The following ANKS1A variants were observed in gnomAD, a reference collection of about 807,000 sequenced individuals.
ANKS1A encodes the protein ankyrin repeat and SAM domain-containing protein 1A.
A neutral mutation model predicts 120.3 loss-of-function variants in ANKS1A; 55 were observed. The observed-to-expected ratio is 0.46, with a 90% CI of 0.37 to 0.57. ANKS1A has a LOEUF of 0.57. Among genes scored for constraint, ANKS1A ranks in the 20% least tolerant of loss-of-function variants. The pLI, the probability that ANKS1A is intolerant of heterozygous loss-of-function variation, is 0.00. For synonymous variants in ANKS1A, 590 were observed against 604.7 expected (o/e 0.98, Z 0.36); for missense variants, 1,123 against 1,480.3 (o/e 0.76, Z 3.96).
At chr6:34,990,129 G>A (rs1470629048) in intron 9 of ANKS1A, among the ~76,000 whole-genome samples, 2 of 152,088 alleles carry the variant, frequency 1.3e-5, no homozygotes, top group South Asian at 2.1e-4. Flanking sequence ...CTAGAAGTTC[G>A]AGTTATTGAT....
In ANKS1A at chr6:34,889,497, T is replaced by TTGGGGGCGGCGGCGGCGGTGGCTC. The variant is rs778662231; in HGVS notation, c.114_137dup (p.Gly39_Gly46dup). 4 of 1,276,834 alleles carry TTGGGGGCGGCGGCGGCGGTGGCTC rather than the reference T, an allele frequency of 3.1e-6. No homozygotes were observed. The highest frequency in any genetic ancestry group is 3.1e-5 in the East Asian group (1 of 32,402). 79.1% of individuals were successfully genotyped at this position (1,276,834 alleles called of 1,614,324 possible). A position where few individuals can be genotyped will look rare whatever the true frequency, so the allele number is the denominator to read the frequency against. On this transcript the variant is annotated inframe_insertion, in exon 1 of 24. Transcript: ENST00000360359. The surrounding 1 kb of genome is among the most constrained non-coding windows in gnomAD (Gnocchi z 5.5). ...TCCGGGAAGCGGCTCTCCTCAGGCTTTGGGGGCGGCGGCGGCGGTGGCTCT... is the reference window on the plus strand; with the variant it reads ...TCCGGGAAGCGGCTCTCCTCAGGCTTTGGGGGCGGCGGCGGCGGTGGCTCTGGGGGCGGCGGCGGCGGTGGCTCT...
In ANKS1A at chr6:35,084,349, C is replaced by T; in HGVS notation, c.3132+91C>T. Reference sequence around the variant, plus strand: ...TGCAGGGCACAGATGCGGCGCTGTCCTGGCCCCTGGCCAGTGCCTGGCAAA... The same window carrying T: ...TGCAGGGCACAGATGCGGCGCTGTCTTGGCCCCTGGCCAGTGCCTGGCAAA... On this transcript the variant is annotated intron_variant, in intron 21 of 23. Coordinates refer to ENST00000360359, the MANE Select transcript of ANKS1A (RefSeq NM_015245.3). The surrounding 1 kb of genome is among the most constrained non-coding windows in gnomAD (Gnocchi z 4.8). 6.7e-7 allele frequency: 1 copy of T among 1,503,396 alleles called. No homozygotes were observed. The highest frequency in any genetic ancestry group is 8.9e-7 in the Non-Finnish European group (1 of 1,126,610). The allele number at this position is 1,503,396 out of a possible 1,614,324, so 93.1% of individuals were successfully genotyped here.
Position 35,044,968 on chromosome 6 carries a change from T to C in ANKS1A, c.2011-9131T>C, listed in dbSNP as rs1775647684. Among the ~76,000 whole-genome samples the C allele has an allele frequency of 6.6e-6, 1 of 152,134 alleles. No individual in the cohort carries two copies. Among genetic ancestry groups the C allele is most frequent in the African/African-American group, 2.4e-5 (1 of 41,436 alleles). On this transcript the variant is annotated intron_variant, in intron 11 of 23. Coordinates refer to ENST00000360359, the MANE Select transcript of ANKS1A (RefSeq NM_015245.3). This position sits in a 1 kb window ranked among gnomAD's most constrained non-coding sequence, Gnocchi z 4.4. ...CAGTGTAAGTAAGGCTGGCATCTGG[T>C]CAAGTTACAGAGGGAAACAGGCACA... is the stretch of plus-strand genomic sequence containing the variant.
rs1379060985 is a variant in ANKS1A, at chr6:35,089,147, C to T, written c.*538C>T. Reference sequence around the variant, plus strand: ...GTACGGTGCGTCTGCTTTTCAAACCCAACCATATCAGCTGCTGCTCTTTAT... The same window carrying T: ...GTACGGTGCGTCTGCTTTTCAAACCTAACCATATCAGCTGCTGCTCTTTAT... On this transcript the variant is annotated 3_prime_UTR_variant, in exon 24 of 24. Coordinates refer to ENST00000360359, the MANE Select transcript of ANKS1A (RefSeq NM_015245.3). 2.0e-6 allele frequency: 2 copies of T among 1,006,714 alleles called. No individual in the cohort carries two copies. Among genetic ancestry groups the T allele is most frequent in the Middle Eastern group, 5.0e-4 (1 of 1,986 alleles). The allele number at this position is 1,006,714 out of a possible 1,614,324, so 62.4% of individuals were successfully genotyped here. A position where few individuals can be genotyped will look rare whatever the true frequency, so the allele number is the denominator to read the frequency against.
intron 1 of ANKS1A, among the ~76,000 whole-genome samples, chr6:34,962,748 C>T (rs893047529): frequency 6.6e-6 from 1 of 151,818 alleles, no homozygotes; most frequent in Admixed American, 6.6e-5. Flanking sequence ...GAGATCCCAC[C>T]ATTGCACTCC....
intron 10 of ANKS1A, among the ~76,000 whole-genome samples, chr6:35,001,475 G>A (rs1054104174): frequency 7.9e-5 from 12 of 152,198 alleles, no homozygotes; most frequent in Non-Finnish European, 1.5e-4. Flanking sequence ...TCTTTTCCGG[G>A]ATTCTACAGC....
intron 1 of ANKS1A, among the ~76,000 whole-genome samples, chr6:34,933,276 G>A (rs1349520253): frequency 1.3e-5 from 2 of 152,204 alleles, no homozygotes; most frequent in East Asian, 1.9e-4. Context: ...TTTTGTGGAC[G>A]AAATGTCTTT....
intron 1 of ANKS1A, among the ~76,000 whole-genome samples, chr6:34,938,111 A>T (rs1414572018): frequency 6.6e-6 from 1 of 152,208 alleles, no homozygotes; most frequent in Non-Finnish European, 1.5e-5. Context: ...TCATAATTAA[A>T]TAAAATGCAG....
At chr6:34,954,956 C>G (rs1262952411) in intron 1 of ANKS1A, among the ~76,000 whole-genome samples, 1 of 151,728 alleles carries the variant, frequency 6.6e-6, no homozygotes, top group Non-Finnish European at 1.5e-5. Context: ...CCACTGCCTC[C>G]CCCTTCATCC....
chr6:34,942,152 C>T lies in ANKS1A; in HGVS notation c.198-25087C>T, dbSNP rs927743716. Among the ~76,000 whole-genome samples, 8 of 152,160 alleles carry T rather than the reference C, an allele frequency of 5.3e-5. No individual in the cohort carries two copies. In the South Asian group the frequency reaches 1.0e-3, roughly 20 times the overall value. ...AGTTTTTTGAGGATAGCTTAATAAT[C>T]GGATGAAGTTTCTCATACGATTCCC... On this transcript the variant is annotated intron_variant, in intron 1 of 23. Coordinates refer to ENST00000360359, the MANE Select transcript of ANKS1A (RefSeq NM_015245.3).
intron 13 of ANKS1A, among the ~76,000 whole-genome samples, chr6:35,067,543 C>T (rs1270067841): frequency 3.3e-5 from 5 of 152,068 alleles, no homozygotes; most frequent in Admixed American, 6.5e-5. Flanking sequence ...GAGTTGGTGC[C>T]GTCGCCACAG....
intron 1 of ANKS1A, among the ~76,000 whole-genome samples, chr6:34,955,737 AG>A (rs1280608755): frequency 3.3e-5 from 5 of 152,038 alleles, no homozygotes; most frequent in Non-Finnish European, 5.9e-5. Flanking sequence ...TGGGAGGTAA[AG>A]TTTGAGACCC....
chr6:34,989,122 T>C, intron 8 of ANKS1A, 102 bp from the exon 9 acceptor site: 1 of 1,012,246 alleles, frequency 9.9e-7, no homozygotes, highest in Non-Finnish European at 1.5e-6. Flanking sequence ...GGGAGTTCCA[T>C]ACATTATTTT....
intron 3 of ANKS1A, among the ~76,000 whole-genome samples, chr6:34,976,205 T>C (rs1771576068): frequency 6.6e-6 from 1 of 151,774 alleles, no homozygotes; most frequent in South Asian, 2.1e-4. Flanking sequence ...CAGTGGATTT[T>C]TATAGATCTG....
chr6:35,060,374 C>T lies in ANKS1A; in HGVS notation c.2184+121C>T. 4 of 815,424 alleles carry T rather than the reference C, an allele frequency of 4.9e-6. No individual in the cohort carries two copies. Among genetic ancestry groups the T allele is most frequent in the Non-Finnish European group, 7.8e-6 (4 of 512,706 alleles). The allele number at this position is 815,424 out of a possible 1,614,324, so 50.5% of individuals were successfully genotyped here. A position where few individuals can be genotyped will look rare whatever the true frequency, so the allele number is the denominator to read the frequency against. On this transcript the variant is annotated intron_variant, in intron 13 of 23. Coordinates refer to ENST00000360359, the MANE Select transcript of ANKS1A (RefSeq NM_015245.3). This position sits in a 1 kb window ranked among gnomAD's most constrained non-coding sequence, Gnocchi z 4.5. ...ACGTAGACCCAAATCCCAGGGAAAG[C>T]TCACTGAGGTCACTCAGACACCAGG...
rs1202103012 is a variant in ANKS1A at position 34,989,331 on chromosome 6, G to A, written c.1302+15G>A. 3.7e-6 allele frequency: 6 copies of A among 1,607,378 alleles called. No homozygotes were observed. Among genetic ancestry groups the A allele is most frequent in the Non-Finnish European group, 5.1e-6 (6 of 1,177,146 alleles). ...CAGCTTCTGAGGTAGAGGGTTGTGGGTTTATTCCCCATTGCTGAAATTTGA... is the reference window on the plus strand; with the variant it reads ...CAGCTTCTGAGGTAGAGGGTTGTGGATTTATTCCCCATTGCTGAAATTTGA... On this transcript the variant is annotated intron_variant, in intron 9 of 23. Coordinates refer to ENST00000360359, the MANE Select transcript of ANKS1A (RefSeq NM_015245.3).
chr6:34,897,577 C>T (rs76776584), intron 1 of ANKS1A, among the ~76,000 whole-genome samples: 2 of 152,064 alleles, frequency 1.3e-5, no homozygotes, highest in African/African-American at 4.8e-5. Context: ...AAAATATTTC[C>T]CACACTGATT....
rs1450171486 is a variant in ANKS1A, at chr6:35,082,893, C to T, written c.2835+77C>T. 6.4e-7 allele frequency: 1 copy of T among 1,558,752 alleles called. No homozygotes were observed. The highest frequency in any genetic ancestry group is 2.2e-5 in the East Asian group (1 of 44,450). The stretch of plus-strand genomic sequence containing the variant: ...CCAGGCACCTGCGGCCAAGTCCCAG[C>T]AGGGACTCCACAAAGCCAGGCCCAG... On this transcript the variant is annotated intron_variant, in intron 18 of 23. Transcript: ENST00000360359. The surrounding 1 kb of genome is among the most constrained non-coding windows in gnomAD (Gnocchi z 4.1).
chr6:34,955,151 T>C (rs1378883770), intron 1 of ANKS1A, among the ~76,000 whole-genome samples: 1 of 151,968 alleles, frequency 6.6e-6, no homozygotes, highest in African/African-American at 2.4e-5. Flanking sequence ...TTTCTTTTTT[T>C]TTTGAGACAG....
Sources: gnomAD v4.1 joint callset for allele counts (sites outside exome capture counted in the v4.1 genomes callset) on GRCh38, gnomAD v4.1.1 for gene constraint, Gnocchi (gnomAD v3.1) non-coding constraint, MANE v1.5 for transcripts, NCBI Gene and HGNC (gene_info 2026-07-23, HGNC 2026-07-21) for gene names.